Variants in FBXO25 observed in about 807,000 individuals in gnomAD.
FBXO25 encodes the protein F-box only protein 25.
A neutral mutation model predicts 51.9 loss-of-function variants in FBXO25; 45 were observed. The observed-to-expected ratio is 0.87, with a 90% CI of 0.68 to 1.11. The LOEUF (loss-of-function observed/expected upper bound fraction) is 1.11, where lower values mean the gene tolerates loss of function less well. FBXO25 is among the 50% of genes most tolerant of loss of function. The pLI is 0.00. For synonymous variants in FBXO25, 199 were observed against 151.0 expected, an observed-to-expected ratio of 1.32 and a Z score of -2.33; for missense variants, 507 against 428.5, an observed-to-expected ratio of 1.18 and a Z score of -1.62.
intron 2 of FBXO25, among the ~76,000 whole-genome samples, chr8:418,262 G>A (rs942972082): frequency 4.0e-5 from 6 of 151,058 alleles, no homozygotes; most frequent in Non-Finnish European, 2.9e-5. Context: ...AGTTTGGTGG[G>A]CAAAAAACAT....
rs542585480 is a variant in FBXO25, at chr8:452,035, T to A, written c.660+582T>A. ...ACTCTAGTACTCATAAGAAAAAGAA[T>A]AAACCGAAGATATATCTTAGCGGTG... On this transcript the variant is annotated intron_variant, in intron 7 of 9. Coordinates refer to ENST00000350302, the MANE Select transcript of FBXO25 (RefSeq NM_183420.2). Among the ~76,000 whole-genome samples, 5 of 152,348 alleles carry A rather than the reference T, an allele frequency of 3.3e-5. No individual in the cohort carries two copies. The South Asian group carries it at 1.0e-3, about 32-fold the overall frequency.
chr8:436,505 G>C (rs1208913064), intron 5 of FBXO25, among the ~76,000 whole-genome samples: 2 of 152,228 alleles, frequency 1.3e-5, no homozygotes, highest in Non-Finnish European at 2.9e-5. Context: ...CTTCTGAGCA[G>C]AATTTCCAGG....
Position 476,488 on chromosome 8 carries a change from T to C in FBXO25, c.*7684T>C, listed in dbSNP as rs1408128621. The stretch of plus-strand genomic sequence containing the variant: ...CCAGAATTCCCATATGACCCTGGGC[T>C]TTTCTTTCTTGGGAGGCTTTTCTTT... On this transcript the variant is annotated 3_prime_UTR_variant, in exon 10 of 10. Coordinates refer to ENST00000350302, the MANE Select transcript of FBXO25 (RefSeq NM_183420.2). 1 of 152,194 alleles carries C rather than the reference T, an allele frequency of 6.6e-6. No homozygotes were observed. The highest frequency in any genetic ancestry group is 1.5e-5 in the Non-Finnish European group (1 of 68,020). The allele number at this position is 152,194 out of a possible 1,614,324, so 9.4% of individuals were successfully genotyped here. A position where few individuals can be genotyped will look rare whatever the true frequency, so the allele number is the denominator to read the frequency against.
intron 2 of FBXO25, among the ~76,000 whole-genome samples, chr8:417,486 A>C (rs1376957023): frequency 3.3e-5 from 5 of 152,204 alleles, no homozygotes; most frequent in African/African-American, 9.6e-5. Context: ...TGGTGCAGTA[A>C]GAGGGTCGAG....
chr8:476,458 GT>G lies in FBXO25; in HGVS notation c.*7657del, dbSNP rs1380181011. ...GGAGAATTGATTTAATTCTTCAGAT[GT>G]TTGCCAGAATTCCCATATGACCCTG... On this transcript the variant is annotated 3_prime_UTR_variant, in exon 10 of 10. Transcript: ENST00000350302. 1 of 152,144 alleles carries G rather than the reference GT, an allele frequency of 6.6e-6. No homozygotes were observed. The highest frequency in any genetic ancestry group is 1.5e-5 in the Non-Finnish European group (1 of 68,018). 9.4% of individuals were successfully genotyped at this position (152,144 alleles called of 1,614,324 possible). A position where few individuals can be genotyped will look rare whatever the true frequency, so the allele number is the denominator to read the frequency against.
chr8:409,582 T>C (rs1791186624), intron 1 of FBXO25, among the ~76,000 whole-genome samples: 5 of 152,174 alleles, frequency 3.3e-5, no homozygotes, highest in Admixed American at 3.3e-4. Flanking sequence ...AACTAGAAGA[T>C]AAGTGTATTA....
At chr8:423,810 GTA>G (rs1474613006) in intron 2 of FBXO25, among the ~76,000 whole-genome samples, 1 of 152,190 alleles carries the variant, frequency 6.6e-6, no homozygotes, top group African/African-American at 2.4e-5. Flanking sequence ...TATATACCCA[GTA>G]ATGGGGTTGC....
At chr8:426,794 A>G (rs1797512793) in intron 2 of FBXO25, among the ~76,000 whole-genome samples, 1 of 132,468 alleles carries the variant, frequency 7.5e-6, no homozygotes, top group Non-Finnish European at 1.7e-5. Flanking sequence ...ATGGGCCCAC[A>G]TTGGCTGTGG....
intron 9 of FBXO25, 87 bp downstream of exon 9, chr8:463,237 A>T: frequency 7.0e-7 from 1 of 1,436,696 alleles, no homozygotes; most frequent in Non-Finnish European, 9.6e-7. Flanking sequence ...TAAGACTAAA[A>T]AGCGGAAAAT....
chr8:407,842 C>G (rs1238280906), intron 1 of FBXO25, among the ~76,000 whole-genome samples: 1 of 152,024 alleles, frequency 6.6e-6, no homozygotes, highest in Non-Finnish European at 1.5e-5. Context: ...ATTTTGCATC[C>G]TTCCCCTCAC....
intron 2 of FBXO25, among the ~76,000 whole-genome samples, chr8:424,233 G>GCAT (rs972048418): frequency 1.2e-4 from 17 of 145,938 alleles, no homozygotes; most frequent in Admixed American, 9.9e-4. Context: ...TTGTTTTTTT[G>GCAT]CATAAGTTCC....
At chr8:424,044 G>T (rs533453656) in intron 2 of FBXO25, among the ~76,000 whole-genome samples, 1 of 151,844 alleles carries the variant, frequency 6.6e-6, no homozygotes, top group South Asian at 2.1e-4. Context: ...ATGCTATGTG[G>T]TACTGAGCCG....
At chr8:408,412 TAGG>T (rs1440351231) in intron 1 of FBXO25, among the ~76,000 whole-genome samples, 1 of 152,248 alleles carries the variant, frequency 6.6e-6, no homozygotes, top group Non-Finnish European at 1.5e-5. Context: ...ACATAGTGGT[TAGG>T]AGCATGGATC....
intron 9 of FBXO25, 112 bp downstream of exon 9, chr8:463,262 G>GT: frequency 8.5e-7 from 1 of 1,179,888 alleles, no homozygotes; most frequent in Non-Finnish European, 1.2e-6. Context: ...TTTGTTATAA[G>GT]TAAGTTAAGG....
chr8:470,531 C>G lies in FBXO25; in HGVS notation c.*1727C>G, dbSNP rs1394819133. On this transcript the variant is annotated 3_prime_UTR_variant, in exon 10 of 10. Transcript: ENST00000350302. ...AGCAGTCAGGACCACAGGCATATAC[C>G]ACCATGCTCAGCTGTTTTTTTGTAT... 1 of 151,996 alleles carries G rather than the reference C, an allele frequency of 6.6e-6. No individual in the cohort carries two copies. Among genetic ancestry groups the G allele is most frequent in the Non-Finnish European group, 1.5e-5 (1 of 68,080 alleles). The allele number at this position is 151,996 out of a possible 1,614,324, so 9.4% of individuals were successfully genotyped here. A position where few individuals can be genotyped will look rare whatever the true frequency, so the allele number is the denominator to read the frequency against.
chr8:407,468 G>C (rs1389637275), intron 1 of FBXO25: 1 of 981,562 alleles, frequency 1.0e-6, no homozygotes, highest in Non-Finnish European at 1.2e-6. Context: ...GGAGCTGCGG[G>C]CGAGTCGGGT....
At chr8:448,126 G>T (rs556019748) in intron 5 of FBXO25, among the ~76,000 whole-genome samples, 2 of 152,052 alleles carry the variant, frequency 1.3e-5, no homozygotes, top group African/African-American at 4.8e-5. Context: ...AGGGAGAGGG[G>T]TTCCAGCATA....
intron 2 of FBXO25, among the ~76,000 whole-genome samples, chr8:422,152 T>TC (rs552309634): frequency 3.9e-4 from 60 of 152,052 alleles, no homozygotes; most frequent in Non-Finnish European, 6.6e-4. Context: ...CTGCCAAGTC[T>TC]CCCCCCAAAT....
rs1585119258 is a variant in FBXO25, at chr8:470,253, T to C, written c.*1449T>C. 1 of 152,192 alleles carries C rather than the reference T, an allele frequency of 6.6e-6. No individual in the cohort carries two copies. The highest frequency in any genetic ancestry group is 1.5e-5 in the Non-Finnish European group (1 of 68,052). 9.4% of individuals were successfully genotyped at this position (152,192 alleles called of 1,614,324 possible). ...TATGATAAGCATCGTCACACAACAATGTGGCCGTCTCCTTACAACCACTGG... is the reference window on the plus strand; with the variant it reads ...TATGATAAGCATCGTCACACAACAACGTGGCCGTCTCCTTACAACCACTGG... On this transcript the variant is annotated 3_prime_UTR_variant, in exon 10 of 10. Coordinates refer to ENST00000350302, the MANE Select transcript of FBXO25 (RefSeq NM_183420.2).
Sources: allele counts gnomAD v4.1 joint callset (sites outside exome capture counted in the v4.1 genomes callset), GRCh38; gene constraint gnomAD v4.1.1; transcripts MANE v1.5; gene names NCBI Gene and HGNC (gene_info 2026-07-23, HGNC 2026-07-21).